FHIT: variants seen among roughly 807,000 people sequenced by gnomAD.
FHIT encodes the protein fragile histidine triad diadenosine triphosphatase, also known as bis(5'-adenosyl)-triphosphatase.
A neutral mutation model predicts 17.9 loss-of-function variants in FHIT; 19 were observed. The observed-to-expected ratio is 1.06, with a 90% CI of 0.74 to 1.56. The LOEUF is 1.56. FHIT is among the 40% of genes most tolerant of loss of function. The probability of loss-of-function intolerance (pLI) is 0.00; values close to 1 mark genes in which losing one functional copy is unlikely to be tolerated. For missense variants in FHIT, 248 were observed against 189.2 expected, an observed-to-expected ratio of 1.31 and a Z score of -1.82; for synonymous variants, 81 against 69.7, an observed-to-expected ratio of 1.16 and a Z score of -0.81.
At chr3:60,490,598 G>T (rs559374046) in intron 5 of FHIT, among the ~76,000 whole-genome samples, 2 of 151,244 alleles carry the variant, frequency 1.3e-5, no homozygotes, top group Non-Finnish European at 2.9e-5. Flanking sequence ...GAAATTCAGG[G>T]GATAAACTAT....
At chr3:59,960,276 T>G (rs1372026994) in intron 7 of FHIT, among the ~76,000 whole-genome samples, 2 of 152,114 alleles carry the variant, frequency 1.3e-5, no homozygotes, top group African/African-American at 4.8e-5. Flanking sequence ...TTTGATTAGG[T>G]GATGGTGGTA....
chr3:60,465,229 T>C (rs2032718488), intron 5 of FHIT, among the ~76,000 whole-genome samples: 1 of 151,166 alleles, frequency 6.6e-6, no homozygotes, highest in Non-Finnish European at 1.5e-5. Context: ...TAGATTTTTT[T>C]TCCTATGGAA....
chr3:59,796,854 T>G (rs11715784), intron 8 of FHIT, among the ~76,000 whole-genome samples: 7 of 152,278 alleles, frequency 4.6e-5, no homozygotes, highest in Non-Finnish European at 8.8e-5. Flanking sequence ...TTGCTATCTG[T>G]GCCAAAAATA....
chr3:61,026,699 A>T (rs2032751878), intron 3 of FHIT, among the ~76,000 whole-genome samples: 1 of 151,906 alleles, frequency 6.6e-6, no homozygotes, highest in Non-Finnish European at 1.5e-5. Context: ...AGTGTATTTT[A>T]TGTGTGGCCC....
rs1420349106 is a variant in FHIT, at chr3:60,058,985, G to A, written c.104-44833C>T. Among the ~76,000 whole-genome samples, 3 of 151,340 alleles carry A rather than the reference G, an allele frequency of 2.0e-5. No homozygotes were observed. The East Asian group carries it at 5.8e-4, about 29-fold the overall frequency. ...GATCTTCTAAAAACATAGGAACCGAGTGAGTAAGAAAATCAAGGCAACTAA... is the reference window on the plus strand; with the variant it reads ...GATCTTCTAAAAACATAGGAACCGAATGAGTAAGAAAATCAAGGCAACTAA... On this transcript the variant is annotated intron_variant, in intron 5 of 9. Coordinates refer to ENST00000492590, the MANE Select transcript of FHIT (RefSeq NM_002012.4).
intron 3 of FHIT, among the ~76,000 whole-genome samples, chr3:60,950,046 CGTT>C (rs1195568284): frequency 2.6e-5 from 4 of 152,092 alleles, no homozygotes; most frequent in African/African-American, 9.7e-5. Context: ...TGCTTAGTGA[CGTT>C]GTAGTTGTCA....
chr3:60,879,256 C>T (rs1340177047), intron 3 of FHIT, among the ~76,000 whole-genome samples: 15 of 152,154 alleles, frequency 9.9e-5, no homozygotes, highest in African/African-American at 3.6e-4. Context: ...ATGAGCACCA[C>T]CATACACTTT....
intron 4 of FHIT, among the ~76,000 whole-genome samples, chr3:60,712,950 C>A (rs1485291556): frequency 2.7e-5 from 4 of 150,502 alleles, no homozygotes; most frequent in South Asian, 2.1e-4. Flanking sequence ...ACAGAACTCT[C>A]CAACTCAAAT....
intron 5 of FHIT, among the ~76,000 whole-genome samples, chr3:60,073,129 CA>C (rs1327744009): frequency 2.0e-5 from 3 of 152,250 alleles, no homozygotes; most frequent in Non-Finnish European, 4.4e-5. Flanking sequence ...ATTAACAATT[CA>C]AGTGACTGAT....
chr3:60,095,643 G>A (rs1196949446), intron 5 of FHIT, among the ~76,000 whole-genome samples: 2 of 152,150 alleles, frequency 1.3e-5, no homozygotes, highest in African/African-American at 4.8e-5. Context: ...GACTGAATCC[G>A]GTTCTCAGCT....
At chr3:60,013,962 T>C (rs1399724238) in intron 6 of FHIT, 45 bp downstream of exon 6, 5 of 1,594,216 alleles carry the variant, frequency 3.1e-6, no homozygotes, top group African/African-American at 1.3e-5. Flanking sequence ...AATGCCGGGA[T>C]ATGAAAGGGA....
chr3:61,234,294 A>C (rs1189428672), intron 1 of FHIT, among the ~76,000 whole-genome samples: 1 of 152,210 alleles, frequency 6.6e-6, no homozygotes, highest in Non-Finnish European at 1.5e-5. Context: ...ATGTCTCCTA[A>C]GAAAAAATCA....
intron 4 of FHIT, among the ~76,000 whole-genome samples, chr3:60,754,331 T>C (rs782442392): frequency 6.6e-6 from 1 of 152,182 alleles, no homozygotes; most frequent in African/African-American, 2.4e-5. Flanking sequence ...TTCAGAGATA[T>C]CATCTTAAGC....
intron 4 of FHIT, among the ~76,000 whole-genome samples, chr3:60,757,294 G>C (rs1180283809): frequency 6.6e-6 from 1 of 152,200 alleles, no homozygotes; most frequent in African/African-American, 2.4e-5. Context: ...ACATTGTTCT[G>C]AATTCTGAAG....
chr3:60,815,035 G>A (rs1701691474), intron 4 of FHIT, among the ~76,000 whole-genome samples: 1 of 151,196 alleles, frequency 6.6e-6, no homozygotes, highest in African/African-American at 2.4e-5. Flanking sequence ...CCACTTGTAT[G>A]TCTGTCTCCC....
At chr3:59,775,264 G>T (rs145419533) in intron 8 of FHIT, among the ~76,000 whole-genome samples, 34 of 152,240 alleles carry the variant, frequency 2.2e-4, no homozygotes, top group African/African-American at 7.7e-4. Flanking sequence ...TCTCCTACCA[G>T]GTTCAAACCA....
chr3:61,188,284 T>C (rs888616989), intron 2 of FHIT, among the ~76,000 whole-genome samples: 2 of 152,034 alleles, frequency 1.3e-5, no homozygotes, highest in African/African-American at 2.4e-5. Flanking sequence ...CAAACTACCA[T>C]CAGAGAATAC....
chr3:60,381,432 C>T (rs760628330), intron 5 of FHIT, among the ~76,000 whole-genome samples: 13 of 151,030 alleles, frequency 8.6e-5, no homozygotes, highest in African/African-American at 2.2e-4. Flanking sequence ...GAGCCGAGAC[C>T]GTGCCATTGC....
At chr3:61,081,184 T>A (rs2035125271) in intron 2 of FHIT, among the ~76,000 whole-genome samples, 3 of 152,144 alleles carry the variant, frequency 2.0e-5, no homozygotes, top group Admixed American at 2.0e-4. Flanking sequence ...CGAAGCATAA[T>A]AAAATAGAGA....
Sources: allele counts gnomAD v4.1 joint callset (sites outside exome capture counted in the v4.1 genomes callset), GRCh38; gene constraint gnomAD v4.1.1; transcripts MANE v1.5; gene names NCBI Gene and HGNC (gene_info 2026-07-23, HGNC 2026-07-21).